The following AGBL1 variants were observed in gnomAD, a reference collection of about 807,000 sequenced individuals.
The protein encoded by AGBL1 is cytosolic carboxypeptidase 4.
In AGBL1, 130 loss-of-function variants were observed where a neutral mutation model predicts 118.9. That is an observed-to-expected ratio of 1.09 (90% CI 0.95 to 1.26). AGBL1 has a LOEUF of 1.26. Ranked by LOEUF, AGBL1 falls within the 50% of genes most tolerant of loss-of-function variation. AGBL1 has a pLI of 0.00. For synonymous variants in AGBL1, 555 were observed against 478.9 expected, an observed-to-expected ratio of 1.16 and a Z score of -2.08; for missense variants, 1,584 against 1,298.1, an observed-to-expected ratio of 1.22 and a Z score of -3.38.
chr15:86,915,376 A>G lies in AGBL1; in HGVS notation c.*8082A>G, dbSNP rs1047066394. 3.3e-5 allele frequency: 5 copies of G among 152,214 alleles called. No individual in the cohort carries two copies. The highest frequency in any genetic ancestry group is 6.5e-5 in the Admixed American group (1 of 15,290). The allele number at this position is 152,214 out of a possible 1,614,324, so 9.4% of individuals were successfully genotyped here. A position where few individuals can be genotyped will look rare whatever the true frequency, so the allele number is the denominator to read the frequency against. ...TTGAGCCTTTTCAGATCCAGCCACT[A>G]CGTAATTTTCTGGTCTCTTCTCTTG... is the stretch of plus-strand genomic sequence containing the variant. On this transcript the variant is annotated 3_prime_UTR_variant, in exon 23 of 23. Coordinates refer to ENST00000614907, the MANE Select transcript of AGBL1 (RefSeq NM_001386094.1).
chr15:86,314,676 C>T (rs181201362), intron 17 of AGBL1, among the ~76,000 whole-genome samples: 1 of 152,246 alleles, frequency 6.6e-6, no homozygotes, highest in East Asian at 1.9e-4. Flanking sequence ...AATTGGAGCT[C>T]CCGCTTGTAA....
At chr15:86,479,212 A>C (rs1018745286) in intron 18 of AGBL1, among the ~76,000 whole-genome samples, 1 of 152,226 alleles carries the variant, frequency 6.6e-6, no homozygotes, top group African/African-American at 2.4e-5. Context: ...CAATGGCAAC[A>C]AAAGCCAAAA....
intron 19 of AGBL1, among the ~76,000 whole-genome samples, chr15:86,533,449 A>G (rs2083378313): frequency 1.6e-5 from 1 of 60,900 alleles, no homozygotes; most frequent in Non-Finnish European, 2.7e-5. Context: ...AATCATTAAA[A>G]AGTCAGGAAA....
At chr15:86,838,963 A>G (rs967203280) in intron 22 of AGBL1, among the ~76,000 whole-genome samples, 4 of 150,286 alleles carry the variant, frequency 2.7e-5, no homozygotes, top group East Asian at 3.9e-4. Flanking sequence ...AAAAAAAAAA[A>G]AAAGAAAGAA....
rs891425059 is a variant in AGBL1 at position 86,910,260 on chromosome 15, G to T, written c.*2966G>T. ...ATGCGAAGGAGTGGAAAGATTTTGT[G>T]CAAAGGCCCTGTGGTAGAGTTAGAG... is the stretch of plus-strand genomic sequence containing the variant. On this transcript the variant is annotated 3_prime_UTR_variant, in exon 23 of 23. Coordinates refer to ENST00000614907, the MANE Select transcript of AGBL1 (RefSeq NM_001386094.1). 1 of 152,228 alleles carries T rather than the reference G, an allele frequency of 6.6e-6. No homozygotes were observed. The highest frequency in any genetic ancestry group is 2.4e-5 in the African/African-American group (1 of 41,454). 9.4% of individuals were successfully genotyped at this position (152,228 alleles called of 1,614,324 possible).
chr15:86,305,958 C>T (rs866600356), intron 17 of AGBL1, among the ~76,000 whole-genome samples: 6 of 151,966 alleles, frequency 3.9e-5, no homozygotes, highest in Non-Finnish European at 7.4e-5. Context: ...ACAATTTTAT[C>T]TGTCTTCTGC....
chr15:86,863,573 A>G (rs2141485470), intron 22 of AGBL1, among the ~76,000 whole-genome samples: 1 of 150,940 alleles, frequency 6.6e-6, no homozygotes, highest in Admixed American at 6.6e-5. Context: ...CCTTGCTGTG[A>G]TAAGTAAGAG....
At chr15:86,659,753 A>C (rs1567108213) in intron 21 of AGBL1, among the ~76,000 whole-genome samples, 1 of 152,218 alleles carries the variant, frequency 6.6e-6, no homozygotes, top group African/African-American at 2.4e-5. Context: ...GTTTCATTAA[A>C]AAATAAAACA....
chr15:86,668,372 G>A (rs2085683740), intron 21 of AGBL1, among the ~76,000 whole-genome samples: 1 of 152,122 alleles, frequency 6.6e-6, no homozygotes, highest in Non-Finnish European at 1.5e-5. Context: ...CAATAGTGAT[G>A]TCACTTCTAA....
intron 22 of AGBL1, among the ~76,000 whole-genome samples, chr15:86,792,745 C>T (rs1049545231): frequency 1.4e-4 from 21 of 151,964 alleles, no homozygotes; most frequent in African/African-American, 5.1e-4. Context: ...AGCTCAGGAC[C>T]AGCCTGGACA....
intron 22 of AGBL1, among the ~76,000 whole-genome samples, chr15:86,865,814 C>T (rs2079620148): frequency 6.6e-6 from 1 of 152,158 alleles, no homozygotes; most frequent in Non-Finnish European, 1.5e-5. Flanking sequence ...CAGATCCTAG[C>T]TCTCCCTCTT....
intron 18 of AGBL1, among the ~76,000 whole-genome samples, chr15:86,400,085 T>A (rs1364267515): frequency 1.3e-5 from 2 of 152,146 alleles, no homozygotes; most frequent in Non-Finnish European, 2.9e-5. Flanking sequence ...TGCCTGACCC[T>A]TCCTTAGAAC....
intron 1 of AGBL1, among the ~76,000 whole-genome samples, chr15:86,081,542 A>C (rs1445192787): frequency 1.3e-5 from 2 of 152,226 alleles, no homozygotes. Flanking sequence ...TGATTCATGC[A>C]AGGTGAGAAT....
intron 18 of AGBL1, among the ~76,000 whole-genome samples, chr15:86,497,617 G>A (rs949065651): frequency 2.0e-5 from 3 of 151,850 alleles, no homozygotes; most frequent in Non-Finnish European, 2.9e-5. Flanking sequence ...CCATCATTTG[G>A]GAATAAATCT....
chr15:86,350,183 T>A (rs997667022), intron 17 of AGBL1, among the ~76,000 whole-genome samples: 4 of 152,208 alleles, frequency 2.6e-5, no homozygotes, highest in African/African-American at 9.6e-5. Context: ...CCAGGGATGT[T>A]TTCACATTTT....
intron 23 of AGBL1, among the ~76,000 whole-genome samples, chr15:86,948,385 C>T (rs191217419): frequency 2.6e-5 from 4 of 151,936 alleles, no homozygotes; most frequent in African/African-American, 9.7e-5. Flanking sequence ...AAAATAAAAA[C>T]GTAGACACAT....
intron 21 of AGBL1, among the ~76,000 whole-genome samples, chr15:86,587,321 C>A (rs1476296119): frequency 6.6e-6 from 1 of 152,188 alleles, no homozygotes; most frequent in African/African-American, 2.4e-5. Flanking sequence ...TGCTCCTTGG[C>A]CTCCTCTCAG....
chr15:86,499,608 T>G (rs1242256422), intron 18 of AGBL1, among the ~76,000 whole-genome samples: 2 of 151,970 alleles, frequency 1.3e-5, no homozygotes, highest in African/African-American at 4.8e-5. Context: ...TATCGCAGAA[T>G]AGCAAACAGG....
chr15:86,538,232 A>T (rs866441231), intron 19 of AGBL1, among the ~76,000 whole-genome samples: 4 of 152,216 alleles, frequency 2.6e-5, no homozygotes, highest in Non-Finnish European at 4.4e-5. Flanking sequence ...ACTTTGGCCC[A>T]TGATGACCCA....
Sources: gnomAD v4.1 joint callset for allele counts (sites outside exome capture counted in the v4.1 genomes callset) on GRCh38, gnomAD v4.1.1 for gene constraint, MANE v1.5 for transcripts, NCBI Gene and HGNC (gene_info 2026-07-23, HGNC 2026-07-21) for gene names.